GPHN: variants seen among roughly 807,000 people sequenced by gnomAD.
GPHN encodes gephyrin.
Under a neutral mutation model 95.5 loss-of-function variants are expected in GPHN, and 17 were observed. The ratio of observed to expected loss-of-function variants is 0.18; its 90% CI spans 0.12 to 0.27. The LOEUF (loss-of-function observed/expected upper bound fraction) is 0.27, where lower values mean the gene tolerates loss of function less well. Ranked by LOEUF, GPHN falls within the 10% of genes least tolerant of loss-of-function variation. GPHN has a pLI of 1.00. For missense variants in GPHN, 660 were observed against 978.1 expected (o/e 0.67, Z 4.34); for synonymous variants, 320 against 322.5 (o/e 0.99, Z 0.08).
chr14:67,038,508 C>G (rs184110565), intron 10 of GPHN, among the ~76,000 whole-genome samples: 1 of 152,200 alleles, frequency 6.6e-6, no homozygotes, highest in Admixed American at 6.5e-5. Context: ...AATCATTGAT[C>G]ATAGAATTAT....
intron 1 of GPHN, among the ~76,000 whole-genome samples, chr14:66,528,529 C>T (rs1025619030): frequency 2.0e-5 from 3 of 152,050 alleles, no homozygotes; most frequent in East Asian, 1.9e-4. Context: ...TTATTTTGAC[C>T]GTTAGTTGAT....
At chr14:67,171,885 G>A (rs1332089204) in intron 21 of GPHN, among the ~76,000 whole-genome samples, 2 of 151,970 alleles carry the variant, frequency 1.3e-5, no homozygotes, top group Non-Finnish European at 2.9e-5. Context: ...TTAAGCAGAG[G>A]ATCCCAGCAA....
chr14:67,508,757 A>AAAAAAAAAAAAAAAAC, the GPHN span, among the ~76,000 whole-genome samples: 1 of 149,154 alleles, frequency 6.7e-6, no homozygotes, highest in African/African-American at 2.4e-5. Flanking sequence ...TTGTCTCAAA[A>AAAAAAAAAAAAAAAAC]AAAAAAAAAA....
the GPHN span, among the ~76,000 whole-genome samples, chr14:67,553,387 C>A: frequency 5.2e-3 from 796 of 151,834 alleles, 10 homozygotes; most frequent in African/African-American, 0.018. Flanking sequence ...AAAAAAAAAA[C>A]CCCAAAACCC....
At chr14:67,042,265 G>C (rs2074748804) in intron 10 of GPHN, among the ~76,000 whole-genome samples, 1 of 151,978 alleles carries the variant, frequency 6.6e-6, no homozygotes, top group South Asian at 2.1e-4. Flanking sequence ...GGCTTTTGTT[G>C]CCATTTCTTT....
the GPHN span, among the ~76,000 whole-genome samples, chr14:67,361,630 A>G: frequency 2.6e-5 from 4 of 152,262 alleles, no homozygotes; most frequent in Non-Finnish European, 1.5e-5. Flanking sequence ...GTTTTGAGAA[A>G]GAAGTCCTAC....
the GPHN span, among the ~76,000 whole-genome samples, chr14:67,363,686 A>G: frequency 6.6e-6 from 1 of 152,204 alleles, no homozygotes; most frequent in Admixed American, 6.5e-5. Context: ...GGAGATAGGC[A>G]ATGGCCAGAT....
At chr14:67,149,320 G>A (rs989110143) in intron 18 of GPHN, among the ~76,000 whole-genome samples, 2 of 152,228 alleles carry the variant, frequency 1.3e-5, no homozygotes, top group East Asian at 1.9e-4. Flanking sequence ...CTCTAGCCTA[G>A]GCAACAAGAG....
chr14:67,309,258 T>C, the GPHN span, among the ~76,000 whole-genome samples: 1 of 152,118 alleles, frequency 6.6e-6, no homozygotes, highest in Non-Finnish European at 1.5e-5. Context: ...GCAGGAAAGA[T>C]TGGTGGAGAT....
the GPHN span, among the ~76,000 whole-genome samples, chr14:67,290,114 T>C: frequency 6.6e-6 from 1 of 152,126 alleles, no homozygotes; most frequent in Non-Finnish European, 1.5e-5. Flanking sequence ...TAAGTCCTTG[T>C]ATGTGCTCTA....
intron 3 of GPHN, among the ~76,000 whole-genome samples, chr14:66,809,221 A>G (rs2060666144): frequency 6.6e-6 from 1 of 152,202 alleles, no homozygotes; most frequent in African/African-American, 2.4e-5. Context: ...TAGGTGAATG[A>G]TGATAAAAAT....
chr14:67,607,657 G>T, the GPHN span, among the ~76,000 whole-genome samples: 2 of 152,082 alleles, frequency 1.3e-5, no homozygotes, highest in Non-Finnish European at 2.9e-5. Context: ...GAGCCACCAC[G>T]CCCGGCCTGG....
the GPHN span, among the ~76,000 whole-genome samples, chr14:67,213,664 C>G: frequency 5.9e-5 from 9 of 152,142 alleles, no homozygotes; most frequent in East Asian, 1.5e-3. Context: ...ATTTATAGTC[C>G]TTTGGGTATA....
the GPHN span, chr14:67,395,517 G>A: frequency 3.7e-6 from 6 of 1,614,014 alleles, no homozygotes; most frequent in African/African-American, 5.3e-5. Flanking sequence ...CAGGCATCCC[G>A]CTCCTCTCGA....
chr14:67,393,082 C>A, the GPHN span: 1 of 1,248,074 alleles, frequency 8.0e-7, no homozygotes, highest in Non-Finnish European at 1.2e-6. Flanking sequence ...CGGTCAAGCA[C>A]ACAGCTGAGC....
intron 1 of GPHN, among the ~76,000 whole-genome samples, chr14:66,567,392 C>T (rs958611165): frequency 4.6e-5 from 7 of 152,106 alleles, no homozygotes; most frequent in African/African-American, 1.7e-4. Flanking sequence ...CTTCCAGGGG[C>T]CTGATCATTC....
rs796492902 is a variant in GPHN, at chr14:66,937,434, G to A, written c.828+13142G>A. On this transcript the variant is annotated intron_variant, in intron 8 of 22. Transcript: ENST00000478722. ...TCTCCTTCTGTCGCCAGGCTGGAGCGCAGTGGCACAATCTCAGCTCACTGC... is the reference window on the plus strand; with the variant it reads ...TCTCCTTCTGTCGCCAGGCTGGAGCACAGTGGCACAATCTCAGCTCACTGC... 1.8e-4 allele frequency among the ~76,000 whole-genome samples: 27 copies of A among 151,172 alleles called. 1 individual carries two copies. The highest frequency in any genetic ancestry group is 6.3e-4 in the African/African-American group (26 of 41,132).
the GPHN span, among the ~76,000 whole-genome samples, chr14:67,513,759 A>G: frequency 6.6e-6 from 1 of 152,156 alleles, no homozygotes; most frequent in East Asian, 1.9e-4. Context: ...CTCACAGGGA[A>G]GCAGATGTAT....
chr14:66,608,186 T>A (rs1448114468), intron 1 of GPHN, among the ~76,000 whole-genome samples: 1 of 152,006 alleles, frequency 6.6e-6, no homozygotes. Context: ...AATATGTGGT[T>A]CTGTTTTTGT....
Sources: gnomAD v4.1 joint callset for allele counts (sites outside exome capture counted in the v4.1 genomes callset) on GRCh38, gnomAD v4.1.1 for gene constraint, MANE v1.5 for transcripts, NCBI Gene and HGNC (gene_info 2026-07-23, HGNC 2026-07-21) for gene names.